The following CDK6 variants were observed in gnomAD, a reference collection of about 807,000 sequenced individuals.
CDK6 encodes cyclin-dependent kinase 6.
Under a neutral mutation model 37.1 loss-of-function variants are expected in CDK6, and 6 were observed. That is an observed-to-expected ratio of 0.16 (90% confidence interval 0.09 to 0.32). CDK6 has a LOEUF of 0.32. Among genes scored for constraint, CDK6 ranks in the 10% least tolerant of loss-of-function variants. The probability of loss-of-function intolerance (pLI) is 1.00; values close to 1 mark genes in which losing one functional copy is unlikely to be tolerated. For synonymous variants in CDK6, 160 were observed against 161.3 expected (o/e 0.99, Z 0.06); for missense variants, 224 against 418.9 (o/e 0.53, Z 4.06).
At chr7:92,631,009 G>A (rs1273971034) in intron 5 of CDK6, among the ~76,000 whole-genome samples, 1 of 152,132 alleles carries the variant, frequency 6.6e-6, no homozygotes, top group Non-Finnish European at 1.5e-5. Context: ...GATATCACTC[G>A]ACCAAATTAG....
At chr7:92,808,092 A>C (rs1800774901) in intron 2 of CDK6, among the ~76,000 whole-genome samples, 1 of 152,206 alleles carries the variant, frequency 6.6e-6, no homozygotes, top group Non-Finnish European at 1.5e-5. Flanking sequence ...GTAAATTAAA[A>C]AGAAAATAAA....
At chr7:92,743,216 A>G (rs1237382701) in intron 3 of CDK6, among the ~76,000 whole-genome samples, 2 of 151,830 alleles carry the variant, frequency 1.3e-5, no homozygotes, top group Non-Finnish European at 2.9e-5. Context: ...TATCTACTAA[A>G]AATACAAAAA....
At chr7:92,680,900 G>A (rs1408719668) in intron 4 of CDK6, among the ~76,000 whole-genome samples, 1 of 152,128 alleles carries the variant, frequency 6.6e-6, no homozygotes, top group Non-Finnish European at 1.5e-5. Context: ...GCTCTTCTCT[G>A]AGCTTCCACT....
intron 5 of CDK6, among the ~76,000 whole-genome samples, chr7:92,642,793 T>C (rs750767688): frequency 3.9e-5 from 6 of 152,072 alleles, no homozygotes; most frequent in Non-Finnish European, 5.9e-5. Flanking sequence ...TAGAGACAAC[T>C]AGATGCTCCA....
intron 3 of CDK6, among the ~76,000 whole-genome samples, chr7:92,769,523 T>C (rs1584069984): frequency 1.3e-5 from 2 of 152,198 alleles, no homozygotes; most frequent in South Asian, 4.1e-4. Context: ...ACATGTTTCA[T>C]GCACAGAATG....
intron 5 of CDK6, among the ~76,000 whole-genome samples, chr7:92,659,641 A>AC (rs1212993611): frequency 4.7e-5 from 7 of 149,874 alleles, no homozygotes; most frequent in Admixed American, 2.6e-4. Context: ...CACACCACAC[A>AC]CACACACACT....
chr7:92,675,930 T>G (rs1223716285), intron 4 of CDK6, among the ~76,000 whole-genome samples: 1 of 152,098 alleles, frequency 6.6e-6, no homozygotes, highest in Non-Finnish European at 1.5e-5. Flanking sequence ...ATACTGATTT[T>G]CTTTTTCTTA....
At chr7:92,713,303 A>C (rs1037688058) in intron 4 of CDK6, among the ~76,000 whole-genome samples, 3 of 152,212 alleles carry the variant, frequency 2.0e-5, no homozygotes, top group African/African-American at 4.8e-5. Context: ...AGTCTTTTAA[A>C]ATGCATCTTA....
At chr7:92,708,732 A>G (rs1037232197) in intron 4 of CDK6, among the ~76,000 whole-genome samples, 13 of 152,196 alleles carry the variant, frequency 8.5e-5, no homozygotes, top group African/African-American at 2.9e-4. Flanking sequence ...TAAACATTAA[A>G]CCACTAGAAA....
intron 4 of CDK6, among the ~76,000 whole-genome samples, chr7:92,698,461 C>T (rs1053934940): frequency 2.6e-5 from 4 of 152,258 alleles, no homozygotes; most frequent in African/African-American, 9.6e-5. Context: ...TCCCCCAGTA[C>T]ACTTGAGGCT....
At chr7:92,667,515 C>T (rs4727280) in intron 5 of CDK6, among the ~76,000 whole-genome samples, 33,224 of 151,280 alleles carry the variant, frequency 0.22, 5,289 homozygotes, top group East Asian at 0.47. Context: ...TAAGATGTGT[C>T]ATTACAAAAG....
chr7:92,778,241 G>A (rs575370552), intron 2 of CDK6, among the ~76,000 whole-genome samples: 5 of 152,256 alleles, frequency 3.3e-5, no homozygotes, highest in Non-Finnish European at 7.4e-5. Flanking sequence ...ATTATGGGCA[G>A]TTTGGGGTGA....
chr7:92,640,430 A>G (rs1034866983), intron 5 of CDK6, among the ~76,000 whole-genome samples: 2 of 152,244 alleles, frequency 1.3e-5, no homozygotes, highest in African/African-American at 4.8e-5. Context: ...ATGGTATAGC[A>G]CATTATACGG....
intron 2 of CDK6, among the ~76,000 whole-genome samples, chr7:92,780,931 G>A (rs1316431660): frequency 6.6e-6 from 1 of 151,630 alleles, no homozygotes; most frequent in Non-Finnish European, 1.5e-5. Flanking sequence ...TCTGTAACCT[G>A]ACAAAAATAC....
intron 4 of CDK6, among the ~76,000 whole-genome samples, chr7:92,703,677 T>A (rs1373677173): frequency 6.6e-6 from 1 of 152,242 alleles, no homozygotes; most frequent in African/African-American, 2.4e-5. Context: ...AAGACTTAGA[T>A]GTAACTAGAT....
intron 2 of CDK6, among the ~76,000 whole-genome samples, chr7:92,797,295 T>C (rs1454668064): frequency 2.6e-5 from 4 of 152,162 alleles, no homozygotes; most frequent in Non-Finnish European, 5.9e-5. Flanking sequence ...ATAACCTGGC[T>C]TTCCCACAGA....
chr7:92,762,485 A>T (rs545705278), intron 3 of CDK6, among the ~76,000 whole-genome samples: 3 of 152,300 alleles, frequency 2.0e-5, no homozygotes, highest in African/African-American at 7.2e-5. Flanking sequence ...TCTCAGTTCC[A>T]GACTTAAATA....
intron 4 of CDK6, among the ~76,000 whole-genome samples, chr7:92,714,713 G>A (rs540775155): frequency 6.6e-6 from 1 of 152,100 alleles, no homozygotes; most frequent in Non-Finnish European, 1.5e-5. Context: ...GAATATATGT[G>A]AAGACCATCA....
chr7:92,784,869 G>A (rs1397642320), intron 2 of CDK6, among the ~76,000 whole-genome samples: 2 of 152,166 alleles, frequency 1.3e-5, no homozygotes, highest in East Asian at 1.9e-4. Flanking sequence ...GTAAAATAAA[G>A]TAAAAGTGAG....
Sources: gnomAD v4.1 joint callset for allele counts (sites outside exome capture counted in the v4.1 genomes callset) on GRCh38, gnomAD v4.1.1 for gene constraint, MANE v1.5 for transcripts, NCBI Gene and HGNC (gene_info 2026-07-23, HGNC 2026-07-21) for gene names.